The following MCM5 variants were observed in gnomAD, a reference collection of about 807,000 sequenced individuals.
MCM5 encodes the protein DNA replication licensing factor MCM5.
Under a neutral mutation model 79.9 loss-of-function variants are expected in MCM5, and 46 were observed. The ratio of observed to expected loss-of-function variants is 0.58; its 90% CI spans 0.45 to 0.74. The LOEUF is 0.74. Ranked by LOEUF, MCM5 falls within the 30% of genes least tolerant of loss-of-function variation. The probability of loss-of-function intolerance (pLI) is 0.00; values close to 1 mark genes in which losing one functional copy is unlikely to be tolerated. For missense variants in MCM5, 883 were observed against 1,017.0 expected (o/e 0.87, Z 1.79); for synonymous variants, 404 against 390.5 (o/e 1.03, Z -0.41).
chr22:35,417,767 T>A lies in MCM5; in HGVS notation c.1614T>A (p.Thr538=), dbSNP rs200754684. The change falls in exon 13 of 17, where the codon ACT becomes ACA. Residue 538 remains threonine (T), a synonymous_variant. Coordinates refer to ENST00000216122, the MANE Select transcript of MCM5 (RefSeq NM_006739.4). The part of the protein sequence containing the change: ...RDVMLAKHVI[T]LHVSALTQTQ... ...AGATGCTGGCCAAGCATGTCATCAC[T>A]CTGCACGTGAGCGCACTGACACAGA... The A allele has an allele frequency of 1.4e-3, 2,203 of 1,614,064 alleles. 57 individuals are homozygous for A. In the South Asian group the frequency reaches 0.023, roughly 17 times the overall value.
the MCM5 span, among the ~76,000 whole-genome samples, chr22:35,435,753 G>A: frequency 1.4e-4 from 21 of 152,306 alleles, no homozygotes; most frequent in South Asian, 4.1e-4. Context: ...CCTTGGAGGC[G>A]GAGGCCTGGG....
Position 35,410,744 on chromosome 22 carries a change from G to A in MCM5, c.753G>A (p.Arg251=), listed in dbSNP as rs1199896731. Residue 251 remains arginine (R), a splice_region_variant and synonymous_variant, in exon 7 of 17, where the codon AGG becomes AGA. Transcript: ENST00000216122. ...CCTTTCTCCTCTACCCTCCTCTCAG[G>A]TACCTGTGTGACAAGGTCGTCCCTG... is the stretch of plus-strand genomic sequence containing the variant. The part of the protein sequence containing the change: ...MPRHMQLYCD[R]YLCDKVVPGN... 1 of 1,613,886 alleles carries A rather than the reference G, an allele frequency of 6.2e-7. No individual in the cohort carries two copies. Among genetic ancestry groups the A allele is most frequent in the East Asian group, 2.2e-5 (1 of 44,878 alleles).
intron 4 of MCM5, among the ~76,000 whole-genome samples, chr22:35,405,836 C>A (rs943975563): frequency 2.6e-5 from 4 of 151,622 alleles, no homozygotes. Flanking sequence ...ATAGTGAAAC[C>A]CCGTCTCTAC....
chr22:35,434,890 G>A, the MCM5 span, among the ~76,000 whole-genome samples: 1 of 151,872 alleles, frequency 6.6e-6, no homozygotes, highest in Non-Finnish European at 1.5e-5. Flanking sequence ...GGTGGCTCAC[G>A]CCTGTAATCC....
rs532549952 is a variant in MCM5, at chr22:35,415,706, G to A, written c.1204-123G>A. The A allele has an allele frequency of 6.9e-5, 77 of 1,114,032 alleles. No homozygotes were observed. The South Asian group carries it at 1.1e-3, about 15-fold the overall frequency. The allele number at this position is 1,114,032 out of a possible 1,614,324, so 69.0% of individuals were successfully genotyped here. A position where few individuals can be genotyped will look rare whatever the true frequency, so the allele number is the denominator to read the frequency against. On this transcript the variant is annotated intron_variant, in intron 9 of 16. Transcript: ENST00000216122. Reference sequence around the variant, plus strand: ...GAGTTGGAGCCTTGAGTCCTATTCTGTACCCTGCAGCCAGCTTTGATGTGT... The same window carrying A: ...GAGTTGGAGCCTTGAGTCCTATTCTATACCCTGCAGCCAGCTTTGATGTGT...
the MCM5 span, among the ~76,000 whole-genome samples, chr22:35,453,597 A>G: frequency 6.6e-6 from 1 of 151,616 alleles, no homozygotes; most frequent in African/African-American, 2.4e-5. Flanking sequence ...ACAGAGATAG[A>G]GACATAAATA....
chr22:35,412,513 G>T lies in MCM5; in HGVS notation c.923G>T (p.Arg308Leu), dbSNP rs770164574. ...TGCGCCTGCTTTGCCTACCAAGGCC[G>T]CAGCTTTGCTGGGGCCGTGAGCCCC... is the stretch of plus-strand genomic sequence containing the variant. Reference protein sequence around the residue: ...GIQVDTDGSGRSFAGAVSPQE... With the variant: ...GIQVDTDGSGLSFAGAVSPQE... Residue 308 changes from arginine (R) to leucine (L), a missense_variant, in exon 8 of 17, where the codon CGC (arginine) becomes CTC (leucine). Arg to Leu is a moderately radical substitution (Grantham distance 102). This residue lies in a region of MCM5 where 455 missense variants were observed against 517.5 expected (regional missense o/e 0.88). Transcript: ENST00000216122. 1.3e-6 allele frequency: 2 copies of T among 1,546,378 alleles called. No individual in the cohort carries two copies. The highest frequency in any genetic ancestry group is 2.4e-5 in the South Asian group (2 of 82,300).
rs1484862544 is a variant in MCM5 at position 35,417,862 on chromosome 22, T to G, written c.1703+6T>G. The G allele has an allele frequency of 6.2e-7, 1 of 1,610,636 alleles. No homozygotes were observed. Among genetic ancestry groups the G allele is most frequent in the Non-Finnish European group, 8.5e-7 (1 of 1,177,106 alleles). ...TTTATTGCCTACTGCCGAGTGTGAG[T>G]CCTGGACGCAGGCCCACGGGGGTGA... On this transcript the variant is annotated splice_donor_region_variant and intron_variant, in intron 13 of 16. Coordinates refer to ENST00000216122, the MANE Select transcript of MCM5 (RefSeq NM_006739.4).
chr22:35,431,893 G>C, the MCM5 span, among the ~76,000 whole-genome samples: 3 of 152,172 alleles, frequency 2.0e-5, no homozygotes, highest in Non-Finnish European at 4.4e-5. Flanking sequence ...GTATAATAGA[G>C]GACACTCAGC....
intron 13 of MCM5, among the ~76,000 whole-genome samples, chr22:35,418,576 C>A (rs560647216): frequency 1.5e-4 from 23 of 152,036 alleles, no homozygotes; most frequent in African/African-American, 5.1e-4. Flanking sequence ...AGGAGAATTG[C>A]TTGAACCCAG....
chr22:35,436,171 A>AG, the MCM5 span, among the ~76,000 whole-genome samples: 1 of 119,276 alleles, frequency 8.4e-6, no homozygotes, highest in Non-Finnish European at 2.0e-5. Flanking sequence ...TCTCAAAAAA[A>AG]AAAAAAAAAA....
chr22:35,453,012 A>G, the MCM5 span, among the ~76,000 whole-genome samples: 1 of 152,074 alleles, frequency 6.6e-6, no homozygotes, highest in Non-Finnish European at 1.5e-5. Context: ...CTCAGGGTGA[A>G]GCTGAGGGCT....
At chr22:35,402,618 A>T (rs1470094401) in intron 2 of MCM5, among the ~76,000 whole-genome samples, 1 of 150,862 alleles carries the variant, frequency 6.6e-6, no homozygotes, top group Non-Finnish European at 1.5e-5. Context: ...CCCTGGCGAG[A>T]TCTCTGGTCA....
At chr22:35,406,900 A>G (rs2071737) in intron 5 of MCM5, among the ~76,000 whole-genome samples, 175 bp downstream of exon 5, 90,117 of 152,070 alleles carry the variant, frequency 0.59, 27,137 homozygotes, top group Non-Finnish European at 0.63. Flanking sequence ...CTGAGACACC[A>G]TGAACAGGGT....
the MCM5 span, among the ~76,000 whole-genome samples, chr22:35,448,220 G>A: frequency 1.3e-5 from 2 of 152,190 alleles, no homozygotes; most frequent in Non-Finnish European, 2.9e-5. Context: ...CGCCTGCCTC[G>A]TACAGTGGTC....
At chr22:35,452,480 CAGGT>C in the MCM5 span, among the ~76,000 whole-genome samples, 10 of 152,276 alleles carry the variant, frequency 6.6e-5, no homozygotes, top group Admixed American at 2.6e-4. Context: ...GTTGAATAAA[CAGGT>C]GGGTGGCCGC....
the MCM5 span, among the ~76,000 whole-genome samples, chr22:35,442,449 A>G: frequency 1.3e-5 from 2 of 152,140 alleles, no homozygotes; most frequent in African/African-American, 4.8e-5. Context: ...GGAGGTCAGA[A>G]GTTCAAAATC....
chr22:35,432,377 G>T, the MCM5 span, among the ~76,000 whole-genome samples: 1 of 152,170 alleles, frequency 6.6e-6, no homozygotes, highest in South Asian at 2.1e-4. Flanking sequence ...GGTCTAGCGG[G>T]GAGTACAGGT....
Position 35,410,902 on chromosome 22 carries a change from A to G in MCM5, c.911A>G (p.Asp304Gly), listed in dbSNP as rs1428642613. The G allele has an allele frequency of 1.2e-6, 2 of 1,601,906 alleles. No homozygotes were observed. The highest frequency in any genetic ancestry group is 1.7e-5 in the Admixed American group (1 of 59,338). ...IRVLGIQVDTDGSGRSFAGAV... is the reference protein window; with the variant it reads ...IRVLGIQVDTGGSGRSFAGAV... ...GTCCTGGGCATCCAGGTGGACACAG[A>G]TGGCTCTGGTGAGTTGGCTTTGGGG... Residue 304 changes from aspartate to glycine, a missense_variant, in exon 7 of 17, where the codon GAT (aspartate) becomes GGT (glycine). Coordinates refer to ENST00000216122, the MANE Select transcript of MCM5 (RefSeq NM_006739.4).
Sources: gnomAD v4.1 joint callset for allele counts (sites outside exome capture counted in the v4.1 genomes callset) on GRCh38, gnomAD v4.1.1 for gene constraint, gnomAD v4.1.1 regional missense constraint, MANE v1.5 for transcripts, NCBI Gene and HGNC (gene_info 2026-07-23, HGNC 2026-07-21) for gene names.